Variants in CPXM2 observed in about 807,000 individuals in gnomAD.
CPXM2 encodes the protein inactive carboxypeptidase-like protein X2.
In CPXM2, 66 loss-of-function variants were observed where a neutral mutation model predicts 86.1. The observed-to-expected ratio is 0.77, with a 90% CI of 0.63 to 0.94. The LOEUF is 0.94. CPXM2 is among the 40% of genes least tolerant of loss of function. The probability of loss-of-function intolerance (pLI) is 0.00; values close to 1 mark genes in which losing one functional copy is unlikely to be tolerated. For synonymous variants in CPXM2, 388 were observed against 400.2 expected, an observed-to-expected ratio of 0.97 and a Z score of 0.36; for missense variants, 948 against 1,026.3, an observed-to-expected ratio of 0.92 and a Z score of 1.04.
intron 7 of CPXM2, among the ~76,000 whole-genome samples, chr10:123,776,109 CTG>C (rs927206395): frequency 1.3e-5 from 2 of 152,132 alleles, no homozygotes; most frequent in African/African-American, 2.4e-5. Flanking sequence ...GGACTGAAAA[CTG>C]TGGCTAAAAA....
At chr10:123,751,635 G>C in intron 13 of CPXM2, 1 of 985,362 alleles carries the variant, frequency 1.0e-6, no homozygotes, top group Non-Finnish European at 1.2e-6. Flanking sequence ...CTAACTCAAA[G>C]CATTCCTACC....
At chr10:123,869,723 A>G (rs1469961206) in intron 2 of CPXM2, among the ~76,000 whole-genome samples, 3 of 152,164 alleles carry the variant, frequency 2.0e-5, no homozygotes, top group Non-Finnish European at 2.9e-5. Flanking sequence ...CAGTCTCTGC[A>G]TTACATATGC....
At chr10:123,858,947 G>A (rs1848798151) in intron 3 of CPXM2, among the ~76,000 whole-genome samples, 1 of 152,184 alleles carries the variant, frequency 6.6e-6, no homozygotes, top group African/African-American at 2.4e-5. Flanking sequence ...GCCAGCGGTG[G>A]GACCTGCACC....
chr10:123,799,210 A>T lies in CPXM2; in HGVS notation c.654-11T>A, dbSNP rs1007121856. On this transcript the variant is annotated splice_polypyrimidine_tract_variant and intron_variant, in intron 4 of 13. Coordinates refer to ENST00000241305, the MANE Select transcript of CPXM2 (RefSeq NM_198148.3). ...GTCACCCAGTCACTCCTATGAGAAA[A>T]TAAAACATCATTAGGACTACACACT... 1.9e-6 allele frequency: 3 copies of T among 1,613,672 alleles called. No individual in the cohort carries two copies. The highest frequency in any genetic ancestry group is 1.7e-5 in the Admixed American group (1 of 60,004).
intron 10 of CPXM2, among the ~76,000 whole-genome samples, chr10:123,762,739 T>C (rs779834309): frequency 2.1e-4 from 32 of 152,306 alleles, no homozygotes; most frequent in Non-Finnish European, 4.0e-4. Context: ...GAAAACGATG[T>C]TAAAAGCTAA....
chr10:123,791,372 G>A (rs1224227902), intron 6 of CPXM2, among the ~76,000 whole-genome samples: 4 of 152,236 alleles, frequency 2.6e-5, no homozygotes, highest in Admixed American at 6.5e-5. Context: ...AGCCAAGATC[G>A]CTCCACTGCA....
rs556867693 is a variant in CPXM2 at position 123,865,950 on chromosome 10, T to C, written c.404-3227A>G. ...GGGACTCCTCAGCCTCTTCTCCGTT[T>C]TTCTGTACTGGGCCCCACAATTTCT... On this transcript the variant is annotated intron_variant, in intron 2 of 13. Transcript: ENST00000241305. The surrounding 1 kb of genome is among the most constrained non-coding windows in gnomAD (Gnocchi z 4.7). Among the ~76,000 whole-genome samples, 2 of 152,092 alleles carry C rather than the reference T, an allele frequency of 1.3e-5. No individual in the cohort carries two copies. Among genetic ancestry groups the C allele is most frequent in the Non-Finnish European group, 2.9e-5 (2 of 68,006 alleles).
chr10:123,877,679 AAG>A (rs1945009046), intron 2 of CPXM2, among the ~76,000 whole-genome samples: 2 of 152,342 alleles, frequency 1.3e-5, no homozygotes, highest in South Asian at 4.1e-4. Flanking sequence ...AAGGGAACTA[AAG>A]AGTTACACAG....
At chr10:123,860,666 C>T (rs946561149) in intron 3 of CPXM2, among the ~76,000 whole-genome samples, 14 of 152,336 alleles carry the variant, frequency 9.2e-5, no homozygotes, top group South Asian at 2.1e-4. Flanking sequence ...AGGCTGCACA[C>T]GCCCTGCTTG....
intron 11 of CPXM2, among the ~76,000 whole-genome samples, chr10:123,761,517 C>T (rs1368109141): frequency 2.0e-5 from 3 of 152,192 alleles, no homozygotes; most frequent in Non-Finnish European, 4.4e-5. Flanking sequence ...TGTCCAATAT[C>T]GCCATTAACT....
chr10:123,805,248 G>C (rs1275461719), intron 4 of CPXM2, among the ~76,000 whole-genome samples: 1 of 151,540 alleles, frequency 6.6e-6, no homozygotes, highest in East Asian at 1.9e-4. Context: ...GTCCTTCCTG[G>C]TGCATTCTTT....
rs112466594 is a variant in CPXM2, at chr10:123,754,916, A to AG, written c.1918-155dup. On this transcript the variant is annotated intron_variant, in intron 12 of 13. Coordinates refer to ENST00000241305, the MANE Select transcript of CPXM2 (RefSeq NM_198148.3). The surrounding 1 kb of genome is among the most constrained non-coding windows in gnomAD (Gnocchi z 4.0). ...CTCAGAAGGCTTGGAACCGAAAAGCAGTTCATTGCTCACTGCATTGTTGGG... is the reference window on the plus strand; with the variant it reads ...CTCAGAAGGCTTGGAACCGAAAAGCAGGTTCATTGCTCACTGCATTGTTGGG... Among the ~76,000 whole-genome samples the AG allele has an allele frequency of 0.022, 3,357 of 152,308 alleles. 120 individuals carry two copies. Among genetic ancestry groups the AG allele is most frequent in the African/African-American group, 0.077 (3,208 of 41,552 alleles).
chr10:123,928,298 T>A (rs951328061), intron 2 of CPXM2, among the ~76,000 whole-genome samples: 1 of 152,226 alleles, frequency 6.6e-6, no homozygotes, highest in Non-Finnish European at 1.5e-5. Context: ...CCAGAGTGGA[T>A]GGTCTGATGA....
rs111960426 is a variant in CPXM2 at position 123,915,360 on chromosome 10, C to T, written n.174+24117G>A. Among the ~76,000 whole-genome samples, 525 of 152,220 alleles carry T rather than the reference C, an allele frequency of 3.4e-3. 2 individuals carry two copies. The highest frequency in any genetic ancestry group is 7.8e-3 in the African/African-American group (326 of 41,544). Reference sequence around the variant, plus strand: ...ATCACTTGAGGCCAGGAGTTCGAGACCAGACTGGCCAACATGGCGAAACCC... The same window carrying T: ...ATCACTTGAGGCCAGGAGTTCGAGATCAGACTGGCCAACATGGCGAAACCC... On this transcript the variant is annotated intron_variant and non_coding_transcript_variant, in intron 2 of 19. Coordinates refer to the CPXM2 transcript ENST00000368854.
chr10:123,940,875 A>G (rs1590132997), upstream of CPXM2, among the ~76,000 whole-genome samples: 1 of 152,324 alleles, frequency 6.6e-6, no homozygotes, highest in African/African-American at 2.4e-5. Context: ...CAGGTGGCTT[A>G]AAACAATGGA....
chr10:123,819,151 C>T (rs1170854167), intron 4 of CPXM2, among the ~76,000 whole-genome samples: 1 of 152,134 alleles, frequency 6.6e-6, no homozygotes, highest in African/African-American at 2.4e-5. Context: ...GGTGATTGAC[C>T]CAGACTATCA....
Position 123,792,541 on chromosome 10 carries a change from C to G in CPXM2, c.889+5435G>C, listed in dbSNP as rs144639465. ...GCCCCAGAGACAGGAAGCCAGGGGA[C>G]AGCAGAGACAGAGACCGGAAATGAG... On this transcript the variant is annotated intron_variant, in intron 6 of 13. Coordinates refer to ENST00000241305, the MANE Select transcript of CPXM2 (RefSeq NM_198148.3). Among the ~76,000 whole-genome samples the G allele has an allele frequency of 3.0e-3, 454 of 152,220 alleles. 5 individuals carry two copies. The highest frequency in any genetic ancestry group is 0.011 in the African/African-American group (437 of 41,542).
intron 3 of CPXM2, among the ~76,000 whole-genome samples, chr10:123,844,706 C>G (rs1251673715): frequency 1.3e-5 from 2 of 152,068 alleles, no homozygotes; most frequent in African/African-American, 4.8e-5. Context: ...TATGAAAGCC[C>G]TAAATTACAA....
At chr10:123,752,600 G>A in intron 13 of CPXM2, 1 of 985,320 alleles carries the variant, frequency 1.0e-6, no homozygotes, top group South Asian at 4.7e-5. Context: ...CCTGGCAGGT[G>A]GAATGGGATC....
Sources: allele counts gnomAD v4.1 joint callset (sites outside exome capture counted in the v4.1 genomes callset), GRCh38; gene constraint gnomAD v4.1.1; non-coding constraint Gnocchi (gnomAD v3.1); transcripts MANE v1.5; gene names NCBI Gene and HGNC (gene_info 2026-07-23, HGNC 2026-07-21).